Variants in OSBPL11 observed in about 807,000 individuals in gnomAD.
OSBPL11 encodes the protein oxysterol-binding protein-related protein 11.
In OSBPL11, 33 loss-of-function variants were observed where a neutral mutation model predicts 84.4. The observed-to-expected ratio is 0.39, with a 90% CI of 0.30 to 0.52. The LOEUF (loss-of-function observed/expected upper bound fraction) is 0.52, where lower values mean the gene tolerates loss of function less well. Among genes scored for constraint, OSBPL11 ranks in the 20% least tolerant of loss-of-function variants. The pLI is 0.72. For missense variants in OSBPL11, 736 were observed against 901.1 expected (o/e 0.82, Z 2.35); for synonymous variants, 276 against 310.2 (o/e 0.89, Z 1.16).
intron 1 of OSBPL11, among the ~76,000 whole-genome samples, chr3:125,592,979 TAAC>T (rs1402261754): frequency 6.6e-6 from 1 of 152,118 alleles, no homozygotes; most frequent in Non-Finnish European, 1.5e-5. Flanking sequence ...CACAAAACTA[TAAC>T]AAGAGAAGAA....
intron 11 of OSBPL11, 130 bp downstream of exon 11, chr3:125,538,321 T>C (rs1935673714): frequency 1.3e-6 from 1 of 783,740 alleles, no homozygotes; most frequent in Admixed American, 2.5e-5. Context: ...CAGATCAGAC[T>C]AATGCTTTCA....
intron 10 of OSBPL11, among the ~76,000 whole-genome samples, chr3:125,539,602 A>C (rs1013783447): frequency 4.6e-5 from 7 of 151,886 alleles, no homozygotes; most frequent in African/African-American, 1.7e-4. Context: ...GGTATGCGTC[A>C]TCATGCCCAG....
At chr3:125,583,080 T>C (rs1936452214) in intron 1 of OSBPL11, 102 bp from the exon 2 acceptor site, 7 of 715,486 alleles carry the variant, frequency 9.8e-6, no homozygotes, top group African/African-American at 3.7e-5. Context: ...ATATGCTCTA[T>C]AAATGCCTCA....
chr3:125,582,647 T>C (rs559550353), intron 2 of OSBPL11, among the ~76,000 whole-genome samples: 50 of 152,346 alleles, frequency 3.3e-4, no homozygotes, highest in African/African-American at 1.2e-3. Context: ...TCTGCAAGTA[T>C]ACAATGCCCA....
intron 4 of OSBPL11, among the ~76,000 whole-genome samples, chr3:125,577,871 T>G (rs1936354150): frequency 6.6e-6 from 1 of 151,924 alleles, no homozygotes; most frequent in Admixed American, 6.6e-5. Context: ...AACTCTCATA[T>G]ATTGTTGATG....
At chr3:125,552,157 ATAT>A (rs1453877325) in intron 9 of OSBPL11, 21 bp downstream of exon 9, 140 of 1,312,398 alleles carry the variant, frequency 1.1e-4, no homozygotes, top group East Asian at 9.0e-4. Context: ...ATATATATAT[ATAT>A]AAAATAATTT....
At chr3:125,593,754 A>G (rs1334191886) in intron 1 of OSBPL11, among the ~76,000 whole-genome samples, 1 of 152,206 alleles carries the variant, frequency 6.6e-6, no homozygotes, top group Non-Finnish European at 1.5e-5. Context: ...ATCCCTTCCA[A>G]GTTTCACAAA....
In OSBPL11 at chr3:125,530,309, T is replaced by C; in HGVS notation, c.*206A>G. 1 of 586,146 alleles carries C rather than the reference T, an allele frequency of 1.7e-6. No individual in the cohort carries two copies. Among genetic ancestry groups the C allele is most frequent in the South Asian group, 2.1e-5 (1 of 47,656 alleles). The allele number at this position is 586,146 out of a possible 1,614,324, so 36.3% of individuals were successfully genotyped here. ...TTAAGATGGTATTGCTCACATCACATGAACAGGTTGGTAAAAGGTCCACTG... is the reference window on the plus strand; with the variant it reads ...TTAAGATGGTATTGCTCACATCACACGAACAGGTTGGTAAAAGGTCCACTG... On this transcript the variant is annotated 3_prime_UTR_variant, in exon 13 of 13. Coordinates refer to ENST00000296220, the MANE Select transcript of OSBPL11 (RefSeq NM_022776.5).
chr3:125,559,764 T>C (rs1306868094), intron 8 of OSBPL11, among the ~76,000 whole-genome samples: 1 of 151,934 alleles, frequency 6.6e-6, no homozygotes, highest in African/African-American at 2.4e-5. Flanking sequence ...CTGACCTCAA[T>C]TGATCCACCT....
chr3:125,566,312 C>A (rs1227509588), intron 6 of OSBPL11, among the ~76,000 whole-genome samples: 1 of 151,984 alleles, frequency 6.6e-6, no homozygotes, highest in Non-Finnish European at 1.5e-5. Flanking sequence ...GGCCCCTACA[C>A]ATTATTTTAT....
chr3:125,583,985 C>CAATG (rs1480411330), intron 1 of OSBPL11, among the ~76,000 whole-genome samples: 1 of 152,122 alleles, frequency 6.6e-6, no homozygotes, highest in African/African-American at 2.4e-5. Context: ...ATAGAAAACC[C>CAATG]AATGCCCCAG....
chr3:125,560,663 A>G (rs1298525056), intron 7 of OSBPL11, 144 bp from the exon 8 acceptor site: 7 of 659,512 alleles, frequency 1.1e-5, no homozygotes, highest in Admixed American at 3.7e-5. Context: ...CAGAAATACA[A>G]CTATTTGTCC....
At chr3:125,574,607 C>T (rs1219596684) in intron 5 of OSBPL11, among the ~76,000 whole-genome samples, 1 of 149,994 alleles carries the variant, frequency 6.7e-6, no homozygotes, top group South Asian at 2.1e-4. Context: ...ATGAGGTTAT[C>T]AATTAAAAAA....
chr3:125,580,114 C>T, intron 2 of OSBPL11, 74 bp from the exon 3 acceptor site: 1 of 1,245,642 alleles, frequency 8.0e-7, no homozygotes, highest in Non-Finnish European at 1.1e-6. Flanking sequence ...AAACTTCAAT[C>T]ACTTACACAT....
intron 1 of OSBPL11, among the ~76,000 whole-genome samples, chr3:125,585,891 G>A (rs1936503172): frequency 6.6e-6 from 1 of 152,178 alleles, no homozygotes; most frequent in South Asian, 2.1e-4. Flanking sequence ...TCTTATAATT[G>A]AGTTACTACA....
At chr3:125,539,399 A>C (rs1236268336) in intron 10 of OSBPL11, among the ~76,000 whole-genome samples, 1 of 147,810 alleles carries the variant, frequency 6.8e-6, no homozygotes, top group Admixed American at 6.8e-5. Context: ...TGCAGCACAA[A>C]TATATCAATA....
chr3:125,580,371 A>T (rs1263082507), intron 2 of OSBPL11, among the ~76,000 whole-genome samples: 1 of 151,980 alleles, frequency 6.6e-6, no homozygotes, highest in Non-Finnish European at 1.5e-5. Context: ...AAAATTAGCC[A>T]GGTGTGGTGG....
At chr3:125,561,717 C>T (rs1936081913) in intron 7 of OSBPL11, among the ~76,000 whole-genome samples, 2 of 152,216 alleles carry the variant, frequency 1.3e-5, no homozygotes, top group Non-Finnish European at 2.9e-5. Flanking sequence ...ATTTACACTG[C>T]ATTCTATGGA....
intron 1 of OSBPL11, among the ~76,000 whole-genome samples, chr3:125,586,709 G>A (rs747174070): frequency 3.0e-4 from 46 of 151,956 alleles, no homozygotes; most frequent in Non-Finnish European, 3.8e-4. Context: ...TAGAGACGGG[G>A]TTTCATCATG....
Sources: allele counts gnomAD v4.1 joint callset (sites outside exome capture counted in the v4.1 genomes callset), GRCh38; gene constraint gnomAD v4.1.1; transcripts MANE v1.5; gene names NCBI Gene and HGNC (gene_info 2026-07-23, HGNC 2026-07-21).